The following MARCO variants were observed in gnomAD, a reference collection of about 807,000 sequenced individuals.
The protein encoded by MARCO is macrophage receptor with collagenous structure.
A neutral mutation model predicts 70.0 loss-of-function variants in MARCO; 72 were observed. The observed-to-expected ratio is 1.03, with a 90% CI of 0.85 to 1.25. MARCO has a LOEUF of 1.25. Among genes scored for constraint, MARCO ranks in the 50% most tolerant of loss-of-function variants. MARCO has a pLI of 0.00. For missense variants in MARCO, 696 were observed against 659.3 expected (o/e 1.06, Z -0.61); for synonymous variants, 273 against 243.1 (o/e 1.12, Z -1.14).
intron 12 of MARCO, among the ~76,000 whole-genome samples, chr2:118,983,457 C>T (rs991375812): frequency 1.2e-4 from 19 of 152,278 alleles, no homozygotes; most frequent in African/African-American, 3.4e-4. Context: ...CCATGGCAAG[C>T]GCAGTTTTAC....
chr2:118,959,943 T>C (rs1237024800), intron 1 of MARCO, among the ~76,000 whole-genome samples: 1 of 151,916 alleles, frequency 6.6e-6, no homozygotes, highest in African/African-American at 2.4e-5. Flanking sequence ...ATAGTGGACT[T>C]TGGGGACTTG....
chr2:118,953,737 G>A (rs557048615), intron 1 of MARCO, among the ~76,000 whole-genome samples: 3 of 152,316 alleles, frequency 2.0e-5, no homozygotes, highest in Non-Finnish European at 4.4e-5. Flanking sequence ...CAAATACTGC[G>A]AGTGCCCCAG....
At chr2:118,963,214 G>T (rs1679981587) in intron 1 of MARCO, among the ~76,000 whole-genome samples, 1 of 151,168 alleles carries the variant, frequency 6.6e-6, no homozygotes, top group Non-Finnish European at 1.5e-5. Context: ...TTTTATTTTT[G>T]GTGTAAGCAG....
At chr2:118,962,431 C>T (rs977535410) in intron 1 of MARCO, among the ~76,000 whole-genome samples, 1 of 151,936 alleles carries the variant, frequency 6.6e-6, no homozygotes, top group African/African-American at 2.4e-5. Flanking sequence ...AGAGGTCCTT[C>T]ACGTCCTCTA....
At chr2:118,958,691 A>G (rs1251678333) in intron 1 of MARCO, among the ~76,000 whole-genome samples, 1 of 152,194 alleles carries the variant, frequency 6.6e-6, no homozygotes, top group Non-Finnish European at 1.5e-5. Flanking sequence ...AAGAGAAGGC[A>G]TAGCCAAAAC....
intron 1 of MARCO, among the ~76,000 whole-genome samples, chr2:118,960,152 T>C (rs1227091158): frequency 6.6e-6 from 1 of 151,092 alleles, no homozygotes; most frequent in East Asian, 1.9e-4. Flanking sequence ...AAAATAAAAC[T>C]TTTTTTGTAG....
intron 13 of MARCO, among the ~76,000 whole-genome samples, chr2:118,990,907 G>A (rs765029639): frequency 6.6e-6 from 1 of 152,180 alleles, no homozygotes; most frequent in Non-Finnish European, 1.5e-5. Flanking sequence ...TGTCAGGAGA[G>A]CTGGGGGTGC....
chr2:118,970,726 T>C (rs1035258924), intron 3 of MARCO, among the ~76,000 whole-genome samples: 2 of 152,026 alleles, frequency 1.3e-5, no homozygotes, highest in Admixed American at 1.3e-4. Context: ...CTGGGGAAAA[T>C]TGAGCCAAGG....
intron 10 of MARCO, 148 bp from the exon 11 acceptor site, chr2:118,982,008 C>T (rs936959488): frequency 5.3e-5 from 32 of 607,140 alleles, no homozygotes; most frequent in South Asian, 2.3e-4. Context: ...TAGCTCATGG[C>T]TTCTAAAGAG....
intron 1 of MARCO, 110 bp downstream of exon 1, chr2:118,942,507 A>G: frequency 2.4e-6 from 2 of 832,064 alleles, no homozygotes; most frequent in Non-Finnish European, 3.9e-6. Context: ...TTATTGCTGC[A>G]TTTTGCACGT....
intron 6 of MARCO, among the ~76,000 whole-genome samples, chr2:118,976,509 T>G (rs1161940335): frequency 6.6e-6 from 1 of 152,002 alleles, no homozygotes; most frequent in Non-Finnish European, 1.5e-5. Context: ...ATTTCTCTCC[T>G]CAACAGATCC....
chr2:118,970,532 T>G (rs1335771346), intron 3 of MARCO, among the ~76,000 whole-genome samples, 194 bp downstream of exon 3: 1 of 151,422 alleles, frequency 6.6e-6, no homozygotes, highest in Non-Finnish European at 1.5e-5. Flanking sequence ...GGAGGGAGGG[T>G]AAAACACAGA....
chr2:118,989,583 C>T (rs551799414), intron 12 of MARCO, among the ~76,000 whole-genome samples: 1 of 152,306 alleles, frequency 6.6e-6, no homozygotes, highest in Middle Eastern at 3.4e-3. Flanking sequence ...CAGCCCCTTG[C>T]CTCTCCCTCC....
intron 1 of MARCO, among the ~76,000 whole-genome samples, chr2:118,953,547 G>T (rs933427644): frequency 6.6e-6 from 1 of 152,136 alleles, no homozygotes; most frequent in Non-Finnish European, 1.5e-5. Flanking sequence ...TCTGGAGGTG[G>T]GGGGAACGAT....
At chr2:118,956,135 C>G (rs1251913714) in intron 1 of MARCO, among the ~76,000 whole-genome samples, 1 of 152,150 alleles carries the variant, frequency 6.6e-6, no homozygotes, top group Non-Finnish European at 1.5e-5. Context: ...AATGGTACCT[C>G]ACATTTCAAT....
rs192856865 is a variant in MARCO, at chr2:118,975,908, G to A, written c.613+1343G>A. 2.0e-3 allele frequency among the ~76,000 whole-genome samples: 301 copies of A among 151,824 alleles called. 1 individual carries two copies. The highest frequency in any genetic ancestry group is 3.2e-3 in the Non-Finnish European group (219 of 67,918). ...TGCTCACACACATTTGCAGACATTCGCACCCCCCATGCACACACACTCACA... is the reference window on the plus strand; with the variant it reads ...TGCTCACACACATTTGCAGACATTCACACCCCCCATGCACACACACTCACA... On this transcript the variant is annotated intron_variant, in intron 6 of 16. Transcript: ENST00000327097.
At position 118,974,535 on chromosome 2, in the gene MARCO, CA is replaced by C. The variant is rs751176006; in HGVS notation, c.585del (p.Gly196AlafsTer68). ...RDGATGPSGP[Q>X]GPPGVKGEAG... is the part of the protein sequence containing the mutation. ...TTCCCTTCCAGGCCCCTCGGGACCC[CA>C]AGGCCCACCGGGAGTCAAGGGAGAG... On this transcript the variant is annotated frameshift_variant, in exon 6 of 17. Transcript: ENST00000327097. LOFTEE classifies it high-confidence loss of function. 7 of 1,613,946 alleles carry C rather than the reference CA, an allele frequency of 4.3e-6. No individual in the cohort carries two copies. In the South Asian group the frequency reaches 7.7e-5, roughly 18 times the overall value.
intron 14 of MARCO, 30 bp downstream of exon 14, chr2:118,991,905 C>T: frequency 6.9e-7 from 1 of 1,445,926 alleles, no homozygotes; most frequent in South Asian, 1.2e-5. Context: ...TTCCTTTGTT[C>T]TTAGGACTGT....
At chr2:118,980,850 G>A (rs146015375) in intron 8 of MARCO, among the ~76,000 whole-genome samples, 59 of 152,346 alleles carry the variant, frequency 3.9e-4, no homozygotes, top group Middle Eastern at 3.4e-3. Flanking sequence ...CAGCAAGAGA[G>A]GAGGGAGCGA....
Sources: gnomAD v4.1 joint callset for allele counts (sites outside exome capture counted in the v4.1 genomes callset) on GRCh38, gnomAD v4.1.1 for gene constraint, MANE v1.5 for transcripts, NCBI Gene and HGNC (gene_info 2026-07-23, HGNC 2026-07-21) for gene names.